Variants in CAP2 observed in about 807,000 individuals in gnomAD.
CAP2 encodes the protein cyclase associated actin cytoskeleton regulatory protein 2.
CAP2 carries 24 observed loss-of-function variants against 57.7 expected under a neutral mutation model. The observed-to-expected ratio is 0.42, with a 90% confidence interval of 0.30 to 0.58. The LOEUF (loss-of-function observed/expected upper bound fraction) is 0.58. Ranked by LOEUF, CAP2 falls within the 20% of genes least tolerant of loss-of-function variation. The pLI is 0.22. For synonymous variants in CAP2, 194 were observed against 207.2 expected, an observed-to-expected ratio of 0.94 and a Z score of 0.55; for missense variants, 501 against 590.3, an observed-to-expected ratio of 0.85 and a Z score of 1.57.
intron 7 of CAP2, among the ~76,000 whole-genome samples, chr6:17,515,586 G>A (rs1762259956): frequency 6.6e-6 from 1 of 151,996 alleles, no homozygotes; most frequent in Non-Finnish European, 1.5e-5. Context: ...TAACAAACCT[G>A]CACATGTATC....
intron 3 of CAP2, among the ~76,000 whole-genome samples, chr6:17,430,282 G>A (rs898752424): frequency 6.6e-6 from 1 of 152,120 alleles, no homozygotes; most frequent in African/African-American, 2.4e-5. Flanking sequence ...AACTTGTAAA[G>A]CCTTCTTGTG....
intron 4 of CAP2, among the ~76,000 whole-genome samples, chr6:17,488,123 G>A (rs546587424): frequency 6.6e-6 from 1 of 152,008 alleles, no homozygotes; most frequent in East Asian, 1.9e-4. Context: ...GTCCTGGCTG[G>A]TCCTGAACTC....
chr6:17,459,606 CA>C (rs370414440), intron 3 of CAP2, among the ~76,000 whole-genome samples: 13 of 151,590 alleles, frequency 8.6e-5, no homozygotes, highest in African/African-American at 2.9e-4. Context: ...TAGAATTTAA[CA>C]AGATTATAAA....
intron 1 of CAP2, among the ~76,000 whole-genome samples, chr6:17,394,290 A>T (rs554027707): frequency 4.7e-4 from 71 of 152,102 alleles, no homozygotes; most frequent in African/African-American, 1.7e-3. Context: ...ACTTCTAAAA[A>T]ATGCAGAGGC....
intron 3 of CAP2, among the ~76,000 whole-genome samples, chr6:17,448,684 A>C (rs1221562801): frequency 6.6e-6 from 1 of 152,150 alleles, no homozygotes; most frequent in Non-Finnish European, 1.5e-5. Flanking sequence ...TTTTCTGCAC[A>C]TACTGTTTCT....
chr6:17,431,743 C>T (rs1759743186), intron 3 of CAP2, among the ~76,000 whole-genome samples: 1 of 152,120 alleles, frequency 6.6e-6, no homozygotes, highest in Non-Finnish European at 1.5e-5. Context: ...CTAGTCCCTT[C>T]ATCTGCTCCT....
chr6:17,431,960 A>G (rs1270555820), intron 3 of CAP2, among the ~76,000 whole-genome samples: 3 of 152,018 alleles, frequency 2.0e-5, no homozygotes, highest in Non-Finnish European at 4.4e-5. Flanking sequence ...AGAAGGAACC[A>G]TGTCAGAAAA....
chr6:17,441,271 G>T (rs182767218), intron 3 of CAP2, among the ~76,000 whole-genome samples: 1 of 151,412 alleles, frequency 6.6e-6, no homozygotes, highest in Admixed American at 6.6e-5. Flanking sequence ...ATTTCACAGT[G>T]GCAAAGAGAA....
intron 6 of CAP2, among the ~76,000 whole-genome samples, chr6:17,509,062 A>G (rs1762071721): frequency 6.6e-6 from 1 of 151,862 alleles, no homozygotes; most frequent in South Asian, 2.1e-4. Context: ...GCCTCAATTC[A>G]CTCCTTTATT....
intron 7 of CAP2, among the ~76,000 whole-genome samples, chr6:17,518,303 G>A (rs1032716770): frequency 2.6e-5 from 4 of 151,818 alleles, no homozygotes; most frequent in Admixed American, 1.3e-4. Context: ...TATTAAAAAC[G>A]ACTTAAAGAT....
At position 17,469,683 on chromosome 6, in the gene CAP2, G is replaced by T. The variant is rs547317716; in HGVS notation, c.300+6610G>T. Among the ~76,000 whole-genome samples, 8 of 152,178 alleles carry T rather than the reference G, an allele frequency of 5.3e-5. No individual in the cohort carries two copies. The South Asian group carries it at 1.7e-3, about 32-fold the overall frequency. Reference sequence around the variant, plus strand: ...AACTTGTACTTTAAAGGGAAATAGTGCCTTCCTGTGCATAAAGCAGGCATC... The same window carrying T: ...AACTTGTACTTTAAAGGGAAATAGTTCCTTCCTGTGCATAAAGCAGGCATC... On this transcript the variant is annotated intron_variant, in intron 4 of 12. Coordinates refer to ENST00000229922, the MANE Select transcript of CAP2 (RefSeq NM_006366.3).
intron 1 of CAP2, among the ~76,000 whole-genome samples, chr6:17,420,253 C>G (rs923483055): frequency 1.3e-5 from 2 of 152,196 alleles, no homozygotes; most frequent in African/African-American, 4.8e-5. Context: ...AACTGAAGAT[C>G]CCTGTCTCTA....
chr6:17,457,741 G>A (rs1760612868), intron 3 of CAP2, among the ~76,000 whole-genome samples: 1 of 152,174 alleles, frequency 6.6e-6, no homozygotes, highest in Admixed American at 6.5e-5. Context: ...TAATGAAATT[G>A]GCCATCTTTG....
At position 17,426,598 on chromosome 6, in the gene CAP2, C is replaced by A. The variant is rs748631395; in HGVS notation, c.130C>A (p.Pro44Thr). 3.1e-6 allele frequency: 5 copies of A among 1,613,054 alleles called. No individual in the cohort carries two copies. The East Asian group carries it at 6.7e-5, about 22-fold the overall frequency. ...CTGCTCCTTTCCCCAAGGTGTGGCACCCTCCGTGGAAGCCTTTGACAAGCT... is the reference window on the plus strand; with the variant it reads ...CTGCTCCTTTCCCCAAGGTGTGGCAACCTCCGTGGAAGCCTTTGACAAGCT... ...EVNGVIAGVA[P>T]SVEAFDKLMD... Residue 44 changes from proline (P) to threonine (T), a missense_variant, in exon 3 of 13, where the codon CCC (proline) becomes ACC (threonine). Physicochemically the swap from Pro to Thr is conservative, Grantham distance 38 (BLOSUM62 -1). Transcript: ENST00000229922.
chr6:17,553,526 A>G (rs2025482), intron 12 of CAP2, among the ~76,000 whole-genome samples: 149,597 of 151,998 alleles, frequency 0.98, 73,659 homozygotes, highest in Middle Eastern at 1. Context: ...CCAGCTACTC[A>G]GGAGGCTGAA....
intron 11 of CAP2, among the ~76,000 whole-genome samples, chr6:17,548,027 CA>C (rs561665509): frequency 2.5e-3 from 372 of 151,798 alleles, no homozygotes; most frequent in African/African-American, 8.7e-3. Flanking sequence ...ATAATATGAA[CA>C]TGCAAAAATC....
At chr6:17,529,640 C>CAA (rs1554129487) in intron 7 of CAP2, among the ~76,000 whole-genome samples, 11,773 of 117,074 alleles carry the variant, frequency 0.1, 709 homozygotes, top group East Asian at 0.2. Context: ...GACTCCGTCT[C>CAA]AAAAAAAAAA....
At chr6:17,523,470 T>A (rs568993101) in intron 7 of CAP2, among the ~76,000 whole-genome samples, 2 of 152,212 alleles carry the variant, frequency 1.3e-5, no homozygotes, top group Admixed American at 1.3e-4. Context: ...GAGACCCCGA[T>A]GTACGTGTTG....
At chr6:17,459,863 T>A (rs1456462722) in intron 3 of CAP2, among the ~76,000 whole-genome samples, 1 of 152,066 alleles carries the variant, frequency 6.6e-6, no homozygotes, top group Non-Finnish European at 1.5e-5. Context: ...TAAAAGATAT[T>A]AAGACATTCA....
Sources: gnomAD v4.1 joint callset for allele counts (sites outside exome capture counted in the v4.1 genomes callset) on GRCh38, gnomAD v4.1.1 for gene constraint, MANE v1.5 for transcripts, NCBI Gene and HGNC (gene_info 2026-07-23, HGNC 2026-07-21) for gene names.